GABRG2: variants seen among roughly 807,000 people sequenced by gnomAD.
GABRG2 encodes the protein gamma-aminobutyric acid type A receptor subunit gamma2.
In GABRG2, 16 loss-of-function variants were observed where a neutral mutation model predicts 56.4. The ratio of observed to expected loss-of-function variants is 0.28; its 90% CI spans 0.19 to 0.43. The LOEUF (loss-of-function observed/expected upper bound fraction) is 0.43. Among genes scored for constraint, GABRG2 ranks in the 20% least tolerant of loss-of-function variants. GABRG2 has a pLI of 1.00. For missense variants in GABRG2, 327 were observed against 582.7 expected (o/e 0.56, Z 4.52); for synonymous variants, 208 against 205.5 (o/e 1.01, Z -0.10).
At chr5:162,113,128 C>T (rs1320414897) in intron 6 of GABRG2, among the ~76,000 whole-genome samples, 5 of 151,658 alleles carry the variant, frequency 3.3e-5, no homozygotes, top group African/African-American at 7.3e-5. Flanking sequence ...TTAATAGAGA[C>T]GGGGTTTCAC....
At chr5:162,102,553 G>A (rs1761506758) in intron 5 of GABRG2, 1 of 454,084 alleles carries the variant, frequency 2.2e-6, no homozygotes, top group South Asian at 1.6e-5. Flanking sequence ...GTTTTGGACA[G>A]GGTCTCGTTC....
In GABRG2 at chr5:162,138,238, G is replaced by T. The variant is rs145678543; in HGVS notation, c.770-3926G>T. On this transcript the variant is annotated intron_variant, in intron 6 of 9. Coordinates refer to ENST00000639213, the MANE Select transcript of GABRG2 (RefSeq NM_198904.4). Reference sequence around the variant, plus strand: ...TATTCACTCATAAATTTGGATCTTTGTTCCATCTTAAATTTATTTTGTGTA... The same window carrying T: ...TATTCACTCATAAATTTGGATCTTTTTTCCATCTTAAATTTATTTTGTGTA... 7.6e-3 allele frequency among the ~76,000 whole-genome samples: 1,160 copies of T among 151,902 alleles called. 8 individuals are homozygous for T. The highest frequency in any genetic ancestry group is 0.026 in the African/African-American group (1,067 of 41,410).
chr5:162,133,046 G>A (rs1763868382), intron 6 of GABRG2, among the ~76,000 whole-genome samples: 1 of 151,906 alleles, frequency 6.6e-6, no homozygotes, highest in East Asian at 1.9e-4. Flanking sequence ...GACTGTAATA[G>A]TGTATTACTG....
intron 6 of GABRG2, among the ~76,000 whole-genome samples, chr5:162,139,602 G>A (rs935322057): frequency 6.6e-6 from 1 of 152,164 alleles, no homozygotes; most frequent in Non-Finnish European, 1.5e-5. Context: ...GTGGATAATT[G>A]CATTGAGGTA....
At chr5:162,087,931 A>T (rs913859835) in intron 1 of GABRG2, among the ~76,000 whole-genome samples, 1 of 152,150 alleles carries the variant, frequency 6.6e-6, no homozygotes, top group African/African-American at 2.4e-5. Flanking sequence ...ATCAAAAAAA[A>T]TTAAACAGGA....
At chr5:162,137,940 T>C (rs77823085) in intron 6 of GABRG2, among the ~76,000 whole-genome samples, 4 of 151,702 alleles carry the variant, frequency 2.6e-5, no homozygotes, top group African/African-American at 7.2e-5. Flanking sequence ...TTTTTTTTTT[T>C]GTAGTGATAG....
chr5:162,079,464 C>A (rs1339396213), intron 1 of GABRG2, among the ~76,000 whole-genome samples: 1 of 152,130 alleles, frequency 6.6e-6, no homozygotes, highest in Non-Finnish European at 1.5e-5. Context: ...ATTATACTCT[C>A]CTGAATTCCT....
At chr5:162,135,328 T>C (rs1056318333) in intron 6 of GABRG2, among the ~76,000 whole-genome samples, 4 of 152,158 alleles carry the variant, frequency 2.6e-5, no homozygotes, top group Non-Finnish European at 4.4e-5. Flanking sequence ...TAATTTGTAA[T>C]GTAAAAGTTT....
At chr5:162,085,488 G>T (rs1581322006) in intron 1 of GABRG2, among the ~76,000 whole-genome samples, 1 of 150,162 alleles carries the variant, frequency 6.7e-6, no homozygotes, top group Admixed American at 6.7e-5. Flanking sequence ...CAGTTGACAT[G>T]ACTTTAGGAT....
intron 6 of GABRG2, among the ~76,000 whole-genome samples, chr5:162,132,728 C>T (rs1763844424): frequency 6.6e-6 from 1 of 152,004 alleles, no homozygotes; most frequent in Non-Finnish European, 1.5e-5. Flanking sequence ...TTCTTATTGG[C>T]ACCTCTCTTC....
chr5:162,144,439 A>AG (rs1466832621), intron 7 of GABRG2, among the ~76,000 whole-genome samples: 1 of 152,214 alleles, frequency 6.6e-6, no homozygotes, highest in Non-Finnish European at 1.5e-5. Flanking sequence ...TCATGGTGGA[A>AG]GAAGGGATCA....
intron 1 of GABRG2, among the ~76,000 whole-genome samples, chr5:162,092,411 G>T: frequency 6.6e-6 from 1 of 152,086 alleles, no homozygotes; most frequent in Non-Finnish European, 1.5e-5. Context: ...GAAAAAAGAG[G>T]TTACTGTAAT....
intron 8 of GABRG2, chr5:162,150,268 AT>A (rs1347148087): frequency 6.6e-6 from 1 of 152,292 alleles, no homozygotes; most frequent in Non-Finnish European, 1.5e-5. Flanking sequence ...AAATCCCAAA[AT>A]ATTACATAGT....
At chr5:162,146,479 T>C (rs1299706808) in intron 7 of GABRG2, among the ~76,000 whole-genome samples, 2 of 152,144 alleles carry the variant, frequency 1.3e-5, no homozygotes, top group Non-Finnish European at 2.9e-5. Flanking sequence ...TCAATAAATC[T>C]TAACTACTTT....
At chr5:162,077,553 A>G (rs1393459197) in intron 1 of GABRG2, among the ~76,000 whole-genome samples, 1 of 152,198 alleles carries the variant, frequency 6.6e-6, no homozygotes, top group East Asian at 1.9e-4. Flanking sequence ...GCAAAACACT[A>G]TTTCAATGTA....
intron 6 of GABRG2, among the ~76,000 whole-genome samples, chr5:162,110,510 T>C (rs898913912): frequency 2.6e-5 from 4 of 152,030 alleles, no homozygotes; most frequent in Non-Finnish European, 5.9e-5. Flanking sequence ...TAAATGTCCT[T>C]GGTAAGGAGA....
At chr5:162,121,714 G>C (rs758175611) in intron 6 of GABRG2, among the ~76,000 whole-genome samples, 3 of 151,946 alleles carry the variant, frequency 2.0e-5, no homozygotes, top group Non-Finnish European at 4.4e-5. Flanking sequence ...GCACATAGTA[G>C]GTGCTTTTTA....
intron 6 of GABRG2, among the ~76,000 whole-genome samples, chr5:162,138,734 TA>T (rs1342827611): frequency 1.3e-5 from 2 of 152,212 alleles, no homozygotes; most frequent in Admixed American, 6.5e-5. Context: ...ATATATTTGA[TA>T]CTTCATTTTT....
chr5:162,146,227 T>C (rs1668638306), intron 7 of GABRG2, among the ~76,000 whole-genome samples: 1 of 152,106 alleles, frequency 6.6e-6, no homozygotes. Flanking sequence ...ATATTTTTCA[T>C]GTATTTATGG....
Sources: allele counts gnomAD v4.1 joint callset (sites outside exome capture counted in the v4.1 genomes callset), GRCh38; gene constraint gnomAD v4.1.1; transcripts MANE v1.5; gene names NCBI Gene and HGNC (gene_info 2026-07-23, HGNC 2026-07-21).